The following ARHGAP27 variants were observed in gnomAD, a reference collection of about 807,000 sequenced individuals.
ARHGAP27 encodes the protein rho GTPase-activating protein 27.
Under a neutral mutation model 102.0 loss-of-function variants are expected in ARHGAP27, and 53 were observed. That is an observed-to-expected ratio of 0.52 (90% confidence interval 0.42 to 0.65). ARHGAP27 has a LOEUF of 0.65. ARHGAP27 is among the 30% of genes least tolerant of loss of function. The probability of loss-of-function intolerance (pLI) is 0.00; values close to 1 mark genes in which losing one functional copy is unlikely to be tolerated. For missense variants in ARHGAP27, 1,117 were observed against 1,256.2 expected (o/e 0.89, Z 1.68); for synonymous variants, 525 against 542.8 (o/e 0.97, Z 0.46).
Position 45,405,922 on chromosome 17 carries a change from G to A in ARHGAP27, c.819C>T (p.Thr273=), listed in dbSNP as rs1178959044. 5.2e-6 allele frequency: 8 copies of A among 1,535,966 alleles called. No homozygotes were observed. Among genetic ancestry groups the A allele is most frequent in the Non-Finnish European group, 7.0e-6 (8 of 1,146,820 alleles). The part of the protein sequence containing the change: ...PYYYNPDTGV[T]TWESPFEAAE... ...CAGCCTCAAAGGGCGACTCCCAGGT[G>A]GTAACTCCCGTGTCTGGGTTGTAGT... The change falls in exon 5 of 20, where the codon ACC becomes ACT. Residue 273 remains threonine, a synonymous_variant. Transcript: ENST00000685559.
intron 4 of ARHGAP27, among the ~76,000 whole-genome samples, chr17:45,424,002 G>A (rs1312860959): frequency 6.6e-6 from 1 of 152,214 alleles, no homozygotes; most frequent in Non-Finnish European, 1.5e-5. Flanking sequence ...GGAAGGGGGA[G>A]GCTGGGATGA....
chr17:45,416,057 T>C (rs12449700), intron 4 of ARHGAP27, among the ~76,000 whole-genome samples: 2 of 152,002 alleles, frequency 1.3e-5, no homozygotes, highest in African/African-American at 4.8e-5. Context: ...TTGTTTTTTG[T>C]TTTTTTGAGA....
chr17:45,415,439 C>G (rs1479333109), intron 4 of ARHGAP27, among the ~76,000 whole-genome samples: 1 of 152,198 alleles, frequency 6.6e-6, no homozygotes, highest in Non-Finnish European at 1.5e-5. Flanking sequence ...GAGCCCAGCC[C>G]CACCGGCTGT....
chr17:45,402,173 AGGGAAAGGGACCT>A lies in ARHGAP27; in HGVS notation c.1743+528_1743+540del, dbSNP rs531693237. Among the ~76,000 whole-genome samples, 44 of 152,226 alleles carry A rather than the reference AGGGAAAGGGACCT, an allele frequency of 2.9e-4. No individual in the cohort carries two copies. The East Asian group carries it at 6.0e-3, about 21-fold the overall frequency. On this transcript the variant is annotated intron_variant, in intron 12 of 19. Transcript: ENST00000685559. ...GGAAATGGGGCTCTGGCTCAGGGGC[AGGGAAAGGGACCT>A]GGGGAGAAAGAGGTTTCCCAACCAG...
chr17:45,396,224 C>T lies in ARHGAP27; in HGVS notation c.2234G>A (p.Arg745His), dbSNP rs760827805. The change falls in exon 17 of 20, where the codon CGC (arginine) becomes CAC (histidine). Residue 745 changes from arginine (R) to histidine (H), a missense_variant. By Grantham distance (29) the Arg-to-His change is conservative. Around this residue, in one of 3 missense-constraint regions of ARHGAP27, gnomAD observed 493 missense variants for 505.5 expected, o/e 0.98. Transcript: ENST00000685559. ...SGNLATIQKLRYKVDHDERLD... is the reference protein window; with the variant it reads ...SGNLATIQKLHYKVDHDERLD... Reference sequence around the variant, plus strand: ...GGCCTCACCGTGGTCCACCTTATAGCGTAGCTTCTGGATGGTGGCCAGGTT... The same window carrying T: ...GGCCTCACCGTGGTCCACCTTATAGTGTAGCTTCTGGATGGTGGCCAGGTT... 1.9e-6 allele frequency: 3 copies of T among 1,613,162 alleles called. No homozygotes were observed. The highest frequency in any genetic ancestry group is 1.7e-5 in the Admixed American group (1 of 59,932).
Position 45,404,270 on chromosome 17 carries a change from C to G in ARHGAP27, c.1478G>C (p.Arg493Thr). The change falls in exon 9 of 20, where the codon AGG becomes ACG. Residue 493 changes from arginine (R) to threonine (T), a missense_variant and splice_region_variant. This residue lies in a region of ARHGAP27 where 610 missense variants were observed against 716.4 expected (regional missense o/e 0.85). Transcript: ENST00000685559. ...CTGGGGGTAGGGGGTGATGCCTACC[C>G]TCACAGCAGCTGTGGCAGGAGAGAC... Reference protein sequence around the residue: ...EEVSPATAAVRTKTLDKAGVL... With the variant: ...EEVSPATAAVTTKTLDKAGVL... 1 of 1,613,964 alleles carries G rather than the reference C, an allele frequency of 6.2e-7. No individual in the cohort carries two copies. Among genetic ancestry groups the G allele is most frequent in the Non-Finnish European group, 8.5e-7 (1 of 1,179,956 alleles).
At position 45,429,971 on chromosome 17, in the gene ARHGAP27, G is replaced by A. The variant is rs1210147314; in HGVS notation, c.309C>T (p.Thr103=). ...CCTCGGGGGCGCCGTCGGGGCCCGC[G>A]GTCGCCGCCGCGCTCACAAACCGGT... ...YDYRFVSAAA[T]AGPDGAPEES... Residue 103 remains threonine, a synonymous_variant, in exon 4 of 20, where the codon ACC becomes ACT. Coordinates refer to ENST00000685559, the MANE Select transcript of ARHGAP27 (RefSeq NM_001282290.2). The A allele has an allele frequency of 3.8e-5, 43 of 1,145,274 alleles. No homozygotes were observed. Among genetic ancestry groups the A allele is most frequent in the Non-Finnish European group, 4.2e-5 (39 of 934,464 alleles). The allele number at this position is 1,145,274 out of a possible 1,614,324, so 70.9% of individuals were successfully genotyped here.
At chr17:45,428,939 C>G (rs1159831411) in intron 4 of ARHGAP27, among the ~76,000 whole-genome samples, 1 of 152,182 alleles carries the variant, frequency 6.6e-6, no homozygotes, top group Non-Finnish European at 1.5e-5. Flanking sequence ...ATGAACACAA[C>G]TGGACTCTGA....
chr17:45,396,632 G>T, intron 15 of ARHGAP27, 36 bp downstream of exon 15: 1 of 1,612,112 alleles, frequency 6.2e-7, no homozygotes, highest in Non-Finnish European at 8.5e-7. Flanking sequence ...GCCCCGTCCC[G>T]GTCCCGGGTC....
At chr17:45,395,709 T>C in intron 19 of ARHGAP27, 35 bp downstream of exon 19, 2 of 1,570,288 alleles carry the variant, frequency 1.3e-6, no homozygotes, top group Non-Finnish European at 1.7e-6. Context: ...AGCCGGGACC[T>C]GCCTCCCCCT....
chr17:45,428,307 C>A (rs979519837), intron 4 of ARHGAP27, among the ~76,000 whole-genome samples: 1 of 152,274 alleles, frequency 6.6e-6, no homozygotes, highest in African/African-American at 2.4e-5. Context: ...CAGGACTACC[C>A]AGACAGCCTG....
At position 45,395,911 on chromosome 17, in the gene ARHGAP27, C is replaced by T. The variant is rs573386858; in HGVS notation, c.2387-62G>A. ...CGGGAGGTAGGGGGTATCGGCTGGG[C>T]GAGGGGAGCCTGCTAAAGGGGTGCC... On this transcript the variant is annotated intron_variant, in intron 18 of 19. Coordinates refer to ENST00000685559, the MANE Select transcript of ARHGAP27 (RefSeq NM_001282290.2). 7.9e-5 allele frequency: 124 copies of T among 1,561,948 alleles called. No individual in the cohort carries two copies. In the African/African-American group the frequency reaches 1.4e-3, roughly 17 times the overall value.
In ARHGAP27 at chr17:45,394,205, A is replaced by G. The variant is rs1328790983; in HGVS notation, c.*1251T>C. On this transcript the variant is annotated 3_prime_UTR_variant, in exon 20 of 20. Transcript: ENST00000685559. ...TTGGCATGGTGCAAATGTCCAATAA[A>G]TATCAGCTGTCATTGTCTGTTGAAT... 1 of 152,360 alleles carries G rather than the reference A, an allele frequency of 6.6e-6. No homozygotes were observed. The highest frequency in any genetic ancestry group is 1.9e-4 in the East Asian group (1 of 5,186). The allele number at this position is 152,360 out of a possible 1,614,324, so 9.4% of individuals were successfully genotyped here. A position where few individuals can be genotyped will look rare whatever the true frequency, so the allele number is the denominator to read the frequency against.
rs2045643208 is a variant in ARHGAP27, at chr17:45,396,260, C to T, written c.2198G>A (p.Arg733His). ...ARGLDIDGLY[R>H]ISGNLATIQK... Reference sequence around the variant, plus strand: ...GATGGTGGCCAGGTTTCCACTGATGCGGTACAGCCCGTCGATGTCCAGCCC... The same window carrying T: ...GATGGTGGCCAGGTTTCCACTGATGTGGTACAGCCCGTCGATGTCCAGCCC... Residue 733 changes from arginine to histidine, a missense_variant, in exon 17 of 20, where the codon CGC becomes CAC. Around this residue, in one of 3 missense-constraint regions of ARHGAP27, gnomAD observed 493 missense variants for 505.5 expected, o/e 0.98. Transcript: ENST00000685559. The T allele has an allele frequency of 6.2e-7, 1 of 1,612,966 alleles. No homozygotes were observed. Among genetic ancestry groups the T allele is most frequent in the Non-Finnish European group, 8.5e-7 (1 of 1,179,532 alleles).
chr17:45,406,167 T>C (rs1447649243), intron 4 of ARHGAP27, 84 bp from the exon 5 acceptor site: 25 of 1,371,486 alleles, frequency 1.8e-5, no homozygotes, highest in Non-Finnish European at 2.2e-5. Flanking sequence ...AGTGCGATTA[T>C]AGGGGTTTAT....
In ARHGAP27 at chr17:45,396,748, C is replaced by G. The variant is rs772056533; in HGVS notation, c.1994G>C (p.Ser665Thr). 1 of 1,613,626 alleles carries G rather than the reference C, an allele frequency of 6.2e-7. No individual in the cohort carries two copies. ...LGPVGLESDL[S>T]KVRHKLRKFL... Reference sequence around the variant, plus strand: ...CTTGCGGAGCTTGTGCCGGACCTTGCTCAAGTCGCTCTCCAGGCCCACGGG... The same window carrying G: ...CTTGCGGAGCTTGTGCCGGACCTTGGTCAAGTCGCTCTCCAGGCCCACGGG... Residue 665 changes from serine (S) to threonine (T), a missense_variant, in exon 15 of 20, where the codon AGC becomes ACC. Transcript: ENST00000685559.
chr17:45,411,428 G>A (rs1262606015), intron 4 of ARHGAP27, among the ~76,000 whole-genome samples: 1 of 151,698 alleles, frequency 6.6e-6, no homozygotes, highest in Non-Finnish European at 1.5e-5. Context: ...TCCTCCTCTG[G>A]CCCCCACCCT....
At chr17:45,431,304 C>A (rs2050046070) in intron 3 of ARHGAP27, among the ~76,000 whole-genome samples, 1 of 152,316 alleles carries the variant, frequency 6.6e-6, no homozygotes, top group Admixed American at 6.5e-5. Flanking sequence ...AGCCATGAGT[C>A]GGTTTTCTCC....
At chr17:45,397,351 A>C (rs2045880486) in intron 13 of ARHGAP27, 2 of 1,181,260 alleles carry the variant, frequency 1.7e-6, no homozygotes, top group Non-Finnish European at 1.1e-6. Context: ...GCATTCCTCA[A>C]TACGTGGCTC....
Sources: gnomAD v4.1 joint callset for allele counts (sites outside exome capture counted in the v4.1 genomes callset) on GRCh38, gnomAD v4.1.1 for gene constraint, gnomAD v4.1.1 regional missense constraint, MANE v1.5 for transcripts, NCBI Gene and HGNC (gene_info 2026-07-23, HGNC 2026-07-21) for gene names.